Variants in ZW10 observed in about 807,000 individuals in gnomAD.
The protein encoded by ZW10 is zw10 kinetochore protein.
In ZW10, 53 loss-of-function variants were observed where a neutral mutation model predicts 87.8. The observed-to-expected ratio is 0.60, with a 90% CI of 0.48 to 0.76. ZW10 has a LOEUF of 0.76. Ranked by LOEUF, ZW10 falls within the 30% of genes least tolerant of loss-of-function variation. The probability of loss-of-function intolerance (pLI) is 0.00; values close to 1 mark genes in which losing one functional copy is unlikely to be tolerated. For missense variants in ZW10, 837 were observed against 923.0 expected, an observed-to-expected ratio of 0.91 and a Z score of 1.21; for synonymous variants, 312 against 329.2, an observed-to-expected ratio of 0.95 and a Z score of 0.57.
chr11:113,746,777 C>T (rs1953682607), intron 9 of ZW10, among the ~76,000 whole-genome samples: 2 of 152,060 alleles, frequency 1.3e-5, no homozygotes, highest in South Asian at 2.1e-4. Flanking sequence ...CTAGCACATT[C>T]AAGGAACAGA....
intron 7 of ZW10, among the ~76,000 whole-genome samples, chr11:113,752,536 C>T (rs1565284278): frequency 6.6e-6 from 1 of 152,216 alleles, no homozygotes; most frequent in Non-Finnish European, 1.5e-5. Flanking sequence ...AGCATGTGCT[C>T]ACTTCATATA....
At chr11:113,752,649 C>G (rs933267997) in intron 7 of ZW10, among the ~76,000 whole-genome samples, 3 of 152,184 alleles carry the variant, frequency 2.0e-5, no homozygotes, top group Non-Finnish European at 4.4e-5. Flanking sequence ...TCATGTAAGA[C>G]AGTGAACTTA....
At chr11:113,768,741 T>A (rs1953931932) in intron 2 of ZW10, 92 bp downstream of exon 2, 2 of 1,351,166 alleles carry the variant, frequency 1.5e-6, no homozygotes, top group Admixed American at 2.3e-5. Flanking sequence ...AAAGTGAGGG[T>A]TTAAAAAGTT....
chr11:113,739,353 G>A lies in ZW10; in HGVS notation c.1613C>T (p.Ala538Val). 1 of 1,603,088 alleles carries A rather than the reference G, an allele frequency of 6.2e-7. No individual in the cohort carries two copies. Among genetic ancestry groups the A allele is most frequent in the Admixed American group, 1.7e-5 (1 of 58,300 alleles). The change falls in exon 12 of 16, where the codon GCT becomes GTT. Residue 538 changes from alanine (A) to valine (V), a missense_variant. Coordinates refer to ENST00000200135, the MANE Select transcript of ZW10 (RefSeq NM_004724.4). ...KENLQKLPQL[A>V]AIHHNNCMYI... Reference sequence around the variant, plus strand: ...CATACAGTTGTTGTGATGAATAGCAGCCAACTGGGGAAGTTTTTGAAGGTT... The same window carrying A: ...CATACAGTTGTTGTGATGAATAGCAACCAACTGGGGAAGTTTTTGAAGGTT...
chr11:113,749,869 T>C (rs924619471), intron 7 of ZW10, among the ~76,000 whole-genome samples: 6 of 152,240 alleles, frequency 3.9e-5, no homozygotes, highest in African/African-American at 7.2e-5. Context: ...ATATAATACA[T>C]TGCCAAACCA....
rs532546217 is a variant in ZW10 at position 113,760,802 on chromosome 11, G to A, written c.342+15C>T. The A allele has an allele frequency of 9.5e-5, 153 of 1,609,530 alleles. 1 individual carries two copies. The South Asian group carries it at 1.6e-3, about 17-fold the overall frequency. On this transcript the variant is annotated intron_variant, in intron 3 of 15. Transcript: ENST00000200135. ...CCACCACCAAAACACTAAGGTTCAAGTTGAGTTTACTGACCTCCTGCAACT... is the reference window on the plus strand; with the variant it reads ...CCACCACCAAAACACTAAGGTTCAAATTGAGTTTACTGACCTCCTGCAACT...
intron 7 of ZW10, among the ~76,000 whole-genome samples, chr11:113,753,377 CCTTA>C (rs1953753323): frequency 3.3e-5 from 5 of 152,078 alleles, no homozygotes; most frequent in Admixed American, 3.3e-4. Context: ...AGTAAAACAA[CCTTA>C]TTTATGGAGA....
At chr11:113,753,244 T>A (rs1037398608) in intron 7 of ZW10, among the ~76,000 whole-genome samples, 11 of 152,184 alleles carry the variant, frequency 7.2e-5, no homozygotes, top group African/African-American at 2.4e-4. Context: ...TGTTCATCAC[T>A]TAGCTCCCAC....
intron 9 of ZW10, among the ~76,000 whole-genome samples, chr11:113,745,097 A>G (rs988353831): frequency 2.4e-5 from 2 of 83,496 alleles, no homozygotes; most frequent in African/African-American, 5.8e-5. Context: ...CCCCTTATTA[A>G]AAAAAAAAAG....
chr11:113,744,055 C>T lies in ZW10; in HGVS notation c.1273-15G>A, dbSNP rs367708921. On this transcript the variant is annotated splice_polypyrimidine_tract_variant and intron_variant, in intron 9 of 15. Coordinates refer to ENST00000200135, the MANE Select transcript of ZW10 (RefSeq NM_004724.4). ...TCAGGAATAATCTAAGATTCAAACA[C>T]AAAAATACAGAAAATATATTGTTTT... 8 of 1,564,720 alleles carry T rather than the reference C, an allele frequency of 5.1e-6. No individual in the cohort carries two copies. In the African/African-American group the frequency reaches 1.1e-4, roughly 21 times the overall value.
chr11:113,747,655 C>A lies in ZW10; in HGVS notation c.1148G>T (p.Gly383Val), dbSNP rs369510502. 6.8e-6 allele frequency: 11 copies of A among 1,613,054 alleles called. No homozygotes were observed. The highest frequency in any genetic ancestry group is 9.3e-6 in the Non-Finnish European group (11 of 1,179,438). ...GTATTTCAGCAAATCTGTAGTATCT[C>A]CTTTTAAAAATCTCATTTCCTTTAG... Reference protein sequence around the residue: ...NALKEMRFLKGDTTDLLKYAR... With the variant: ...NALKEMRFLKVDTTDLLKYAR... Residue 383 changes from glycine to valine, a missense_variant, in exon 9 of 16, where the codon GGA (glycine) becomes GTA (valine). Coordinates refer to ENST00000200135, the MANE Select transcript of ZW10 (RefSeq NM_004724.4).
rs1360864421 is a variant in ZW10 at position 113,738,324 on chromosome 11, C to T, written c.1824G>A (p.Arg608=). ...CTTCATCGTCCATATTTGAAAAGTT[C>T]CTAGCACTTGATAATCTTTCCAGAA... is the stretch of plus-strand genomic sequence containing the variant. ...GELLERLSSA[R]NFSNMDDEEN... is the part of the protein sequence containing the mutation. The change falls in exon 13 of 16, where the codon AGG becomes AGA. Residue 608 remains arginine, a synonymous_variant. Transcript: ENST00000200135. 1 of 1,613,260 alleles carries T rather than the reference C, an allele frequency of 6.2e-7. No homozygotes were observed.
chr11:113,763,906 T>C (rs1953886981), intron 2 of ZW10, among the ~76,000 whole-genome samples: 1 of 152,234 alleles, frequency 6.6e-6, no homozygotes, highest in African/African-American at 2.4e-5. Flanking sequence ...GCAGTTGCTT[T>C]TGGCATGTTT....
intron 7 of ZW10, among the ~76,000 whole-genome samples, chr11:113,755,027 C>T (rs1292065286): frequency 6.6e-6 from 1 of 152,180 alleles, no homozygotes; most frequent in Non-Finnish European, 1.5e-5. Flanking sequence ...TTACTGCTTA[C>T]TGGCAATGCA....
chr11:113,737,524 G>A, intron 14 of ZW10, 48 bp downstream of exon 14: 2 of 1,473,266 alleles, frequency 1.4e-6, no homozygotes, highest in South Asian at 1.5e-5. Flanking sequence ...TCACAATCTG[G>A]GACATGAATT....
At chr11:113,737,829 A>G (rs2134865770) in intron 13 of ZW10, 126 bp from the exon 14 acceptor site, 1 of 1,070,704 alleles carries the variant, frequency 9.3e-7, no homozygotes, top group Non-Finnish European at 1.3e-6. Flanking sequence ...TAAAGTAACT[A>G]AGGACATATG....
intron 5 of ZW10, among the ~76,000 whole-genome samples, chr11:113,759,840 A>T (rs1398500849): frequency 2.6e-5 from 4 of 152,248 alleles, no homozygotes; most frequent in Non-Finnish European, 4.4e-5. Context: ...TAGCCAAGAT[A>T]AACTGCTAGG....
chr11:113,744,520 T>G (rs1001349595), intron 9 of ZW10, among the ~76,000 whole-genome samples: 1 of 152,236 alleles, frequency 6.6e-6, no homozygotes, highest in Non-Finnish European at 1.5e-5. Flanking sequence ...TTTTAATGAC[T>G]GCTGAATCCT....
chr11:113,737,979 C>T (rs2134865934), intron 13 of ZW10, among the ~76,000 whole-genome samples: 1 of 151,966 alleles, frequency 6.6e-6, no homozygotes, highest in Middle Eastern at 3.4e-3. Flanking sequence ...ATTTCAAATT[C>T]CCAAATCTAA....
Sources: gnomAD v4.1 joint callset for allele counts (sites outside exome capture counted in the v4.1 genomes callset) on GRCh38, gnomAD v4.1.1 for gene constraint, MANE v1.5 for transcripts, NCBI Gene and HGNC (gene_info 2026-07-23, HGNC 2026-07-21) for gene names.